The following ADGRE1 variants were observed in gnomAD, a reference collection of about 807,000 sequenced individuals.
ADGRE1 encodes the protein EGF-like module receptor 1.
ADGRE1 carries 82 observed loss-of-function variants against 102.7 expected under a neutral mutation model. That is an observed-to-expected ratio of 0.80 (90% confidence interval 0.67 to 0.96). The LOEUF (loss-of-function observed/expected upper bound fraction) is 0.96, where lower values mean the gene tolerates loss of function less well. Ranked by LOEUF, ADGRE1 falls within the 40% of genes least tolerant of loss-of-function variation. The pLI is 0.00. For synonymous variants in ADGRE1, 398 were observed against 399.6 expected (o/e 1.00, Z 0.05); for missense variants, 1,032 against 1,085.3 (o/e 0.95, Z 0.69).
intron 17 of ADGRE1, among the ~76,000 whole-genome samples, chr19:6,930,284 A>G (rs1016822443): frequency 3.9e-5 from 6 of 152,278 alleles, no homozygotes; most frequent in African/African-American, 1.4e-4. Context: ...TGGTGGATCG[A>G]GGCAAAGGGA....
intron 10 of ADGRE1, among the ~76,000 whole-genome samples, chr19:6,912,402 A>G (rs898039342): frequency 1.3e-5 from 2 of 152,226 alleles, no homozygotes; most frequent in African/African-American, 2.4e-5. Context: ...TCAAAAATCA[A>G]AATAATCATA....
rs1599717428 is a variant in ADGRE1, at chr19:6,898,560, G to T, written c.514+1013G>T. ...AACTGAGGCACCCAATTTCTTATCT[G>T]CTCACCCTCTTTCACTGCTTTGCAA... On this transcript the variant is annotated intron_variant, in intron 5 of 20. Coordinates refer to ENST00000312053, the MANE Select transcript of ADGRE1 (RefSeq NM_001974.5). 2.0e-6 allele frequency: 3 copies of T among 1,506,064 alleles called. No homozygotes were observed. The East Asian group carries it at 6.8e-5, about 34-fold the overall frequency. The allele number at this position is 1,506,064 out of a possible 1,614,324, so 93.3% of individuals were successfully genotyped here.
chr19:6,896,403 A>G lies in ADGRE1; in HGVS notation c.100A>G (p.Asn34Asp), dbSNP rs1450366623. The G allele has an allele frequency of 6.2e-7, 1 of 1,613,850 alleles. No individual in the cohort carries two copies. Among genetic ancestry groups the G allele is most frequent in the Non-Finnish European group, 8.5e-7 (1 of 1,179,878 alleles). Reference protein sequence around the residue: ...PTRKPNTKGNNCRDSTLCPAY... With the variant: ...PTRKPNTKGNDCRDSTLCPAY... Reference sequence around the variant, plus strand: ...TTTCTTTATACACTGCCTAGGTAATAACTGTAGAGACAGTACCTTGTGCCC... The same window carrying G: ...TTTCTTTATACACTGCCTAGGTAATGACTGTAGAGACAGTACCTTGTGCCC... Residue 34 changes from asparagine to aspartate, a missense_variant, in exon 3 of 21, where the codon AAC becomes GAC. Physicochemically the swap from Asn to Asp is conservative, Grantham distance 23. Transcript: ENST00000312053.
intron 6 of ADGRE1, 26 bp downstream of exon 6, chr19:6,902,047 T>G (rs1973781405): frequency 6.2e-7 from 1 of 1,613,742 alleles, no homozygotes; most frequent in Non-Finnish European, 8.5e-7. Flanking sequence ...TTCTGAGAAG[T>G]CAGGTCCAAG....
intron 2 of ADGRE1, chr19:6,895,065 G>C (rs142380166): frequency 6.6e-6 from 1 of 152,222 alleles, no homozygotes; most frequent in Non-Finnish European, 1.5e-5. Context: ...GAACAGCGTC[G>C]TGGAACAACC....
chr19:6,909,159 A>G (rs1389595873), intron 10 of ADGRE1, among the ~76,000 whole-genome samples: 2 of 151,962 alleles, frequency 1.3e-5, no homozygotes, highest in Non-Finnish European at 2.9e-5. Context: ...AAAGAAAGAA[A>G]TATCTCTTTA....
chr19:6,903,427 A>T (rs1973839479), intron 6 of ADGRE1, among the ~76,000 whole-genome samples: 1 of 152,184 alleles, frequency 6.6e-6, no homozygotes, highest in Admixed American at 6.5e-5. Context: ...TCTCATAATA[A>T]TTCAATATGG....
chr19:6,900,155 T>A (rs565252160), intron 5 of ADGRE1, among the ~76,000 whole-genome samples: 1 of 151,810 alleles, frequency 6.6e-6, no homozygotes, highest in East Asian at 1.9e-4. Flanking sequence ...AAAGCAGTCA[T>A]CACACCTTGG....
At chr19:6,914,679 G>A (rs1353951232) in intron 11 of ADGRE1, among the ~76,000 whole-genome samples, 1 of 152,202 alleles carries the variant, frequency 6.6e-6, no homozygotes, top group Admixed American at 6.5e-5. Flanking sequence ...ATTTTAGTGA[G>A]TTGAGTCAGA....
chr19:6,898,414 A>T, intron 5 of ADGRE1: 1 of 1,600,880 alleles, frequency 6.2e-7, no homozygotes, highest in Non-Finnish European at 8.6e-7. Context: ...CTCTTCTCCC[A>T]CTGGAAATGA....
At chr19:6,928,389 G>T in intron 17 of ADGRE1, 178 bp downstream of exon 17, 2 of 1,430,102 alleles carry the variant, frequency 1.4e-6, no homozygotes, top group Non-Finnish European at 1.8e-6. Flanking sequence ...ACTTTGGGAG[G>T]CTGAGGCGGG....
intron 16 of ADGRE1, among the ~76,000 whole-genome samples, chr19:6,927,920 C>T (rs538874567): frequency 1.2e-4 from 19 of 152,206 alleles, no homozygotes; most frequent in African/African-American, 2.4e-4. Flanking sequence ...ATGAGCTCAA[C>T]CTTGGGCACT....
chr19:6,895,592 G>A (rs562737373), intron 2 of ADGRE1: 1 of 152,298 alleles, frequency 6.6e-6, no homozygotes, highest in African/African-American at 2.4e-5. Context: ...CCCTTCCCCA[G>A]ACCTGCTGAA....
intron 16 of ADGRE1, among the ~76,000 whole-genome samples, chr19:6,927,397 A>C (rs564670380): frequency 6.6e-6 from 1 of 150,602 alleles, no homozygotes; most frequent in East Asian, 2.0e-4. Flanking sequence ...CTGTGCTCTG[A>C]GTGCTGAGTA....
Position 6,924,790 on chromosome 19 carries a change from C to G in ADGRE1, c.1904C>G (p.Thr635Ser), listed in dbSNP as rs1425673466. 1 of 1,614,048 alleles carries G rather than the reference C, an allele frequency of 6.2e-7. No individual in the cohort carries two copies. The highest frequency in any genetic ancestry group is 2.2e-5 in the East Asian group (1 of 44,888). ...LLCRSIRNHN[T>S]YLHLHLCVCL... ...TGTCGCTCCATCCGAAATCACAACA[C>G]CTACCTCCACCTGCACCTCTGCGTG... Residue 635 changes from threonine (T) to serine (S), a missense_variant, in exon 15 of 21, where the codon ACC becomes AGC. By Grantham distance (58) the Thr-to-Ser change is moderately conservative. Transcript: ENST00000312053.
intron 20 of ADGRE1, among the ~76,000 whole-genome samples, chr19:6,938,337 C>CA (rs1197035886): frequency 9.1e-5 from 8 of 87,690 alleles, no homozygotes; most frequent in East Asian, 6.4e-4. Flanking sequence ...AACTCCATCT[C>CA]AAAAAAAAAT....
rs140355307 is a variant in ADGRE1 at position 6,927,806 on chromosome 19, C to T, written c.2223-339C>T. Among the ~76,000 whole-genome samples, 313 of 152,148 alleles carry T rather than the reference C, an allele frequency of 2.1e-3. 1 individual carries two copies. The highest frequency in any genetic ancestry group is 6.7e-3 in the African/African-American group (280 of 41,518). ...CCTCCCAAGTAGCTGGGATTACAGG[C>T]GTGAGACCCCACGCCCGGCCTGAGC... On this transcript the variant is annotated intron_variant, in intron 16 of 20. Coordinates refer to ENST00000312053, the MANE Select transcript of ADGRE1 (RefSeq NM_001974.5).
At chr19:6,928,078 G>A (rs1286791999) in intron 16 of ADGRE1, 67 bp from the exon 17 acceptor site, 3 of 1,539,636 alleles carry the variant, frequency 1.9e-6, no homozygotes, top group Non-Finnish European at 2.6e-6. Flanking sequence ...GGCATTTGTT[G>A]GGACAGGGTT....
In ADGRE1 at chr19:6,896,462, T is replaced by A; in HGVS notation, c.159T>A (p.Ser53Arg). The A allele has an allele frequency of 6.2e-7, 1 of 1,614,124 alleles. No homozygotes were observed. The highest frequency in any genetic ancestry group is 8.5e-7 in the Non-Finnish European group (1 of 1,179,996). ...AYATCTNTVD[S>R]YYCACKQGFL... ...CCACCTGCACCAATACAGTGGACAG[T>A]TACTATTGCGCTTGCAAACAAGGCT... Residue 53 changes from serine to arginine, a missense_variant, in exon 3 of 21, where the codon AGT (serine) becomes AGA (arginine). Coordinates refer to ENST00000312053, the MANE Select transcript of ADGRE1 (RefSeq NM_001974.5).
Sources: gnomAD v4.1 joint callset for allele counts (sites outside exome capture counted in the v4.1 genomes callset) on GRCh38, gnomAD v4.1.1 for gene constraint, MANE v1.5 for transcripts, NCBI Gene and HGNC (gene_info 2026-07-23, HGNC 2026-07-21) for gene names.